The following RIN2 variants were observed in gnomAD, a reference collection of about 807,000 sequenced individuals.
The protein encoded by RIN2 is Ras and Rab interactor 2, also known as RAB5 interacting protein 2.
RIN2 carries 36 observed loss-of-function variants against 78.0 expected under a neutral mutation model. The observed-to-expected ratio is 0.46, with a 90% CI of 0.35 to 0.61. The LOEUF is 0.61. RIN2 is among the 20% of genes least tolerant of loss of function. RIN2 has a pLI of 0.00. For synonymous variants in RIN2, 466 were observed against 466.8 expected, an observed-to-expected ratio of 1.00 and a Z score of 0.02; for missense variants, 1,087 against 1,159.7, an observed-to-expected ratio of 0.94 and a Z score of 0.91.
chr20:19,939,344 G>A (rs2040771604), intron 4 of RIN2, among the ~76,000 whole-genome samples: 1 of 152,284 alleles, frequency 6.6e-6, no homozygotes, highest in Middle Eastern at 3.4e-3. Flanking sequence ...CACCGTGCTT[G>A]GCCTCTACCT....
At chr20:19,902,219 G>A (rs1042916308) in intron 3 of RIN2, among the ~76,000 whole-genome samples, 3 of 152,092 alleles carry the variant, frequency 2.0e-5, no homozygotes, top group Admixed American at 1.3e-4. Flanking sequence ...AAACTTGGGA[G>A]GAATTTCATA....
chr20:19,851,046 G>GAGA (rs1568815060), intron 2 of RIN2, among the ~76,000 whole-genome samples: 1,355 of 60,070 alleles, frequency 0.023, 23 homozygotes, highest in Non-Finnish European at 0.037. Flanking sequence ...AGGAAGGAAG[G>GAGA]AAGGAGAAAG....
chr20:19,777,672 G>A (rs889024559), intron 1 of RIN2, among the ~76,000 whole-genome samples: 2 of 152,224 alleles, frequency 1.3e-5, no homozygotes, highest in African/African-American at 4.8e-5. Context: ...GCTGAGACGA[G>A]ATCTTCCTTA....
At chr20:19,986,264 C>T (rs2146367607) in intron 9 of RIN2, among the ~76,000 whole-genome samples, 1 of 151,882 alleles carries the variant, frequency 6.6e-6, no homozygotes, top group Admixed American at 6.6e-5. Context: ...CCAGCTGGAT[C>T]GTGGGTCCCT....
chr20:19,832,326 T>C (rs2123008443), intron 2 of RIN2, among the ~76,000 whole-genome samples: 1 of 143,370 alleles, frequency 7.0e-6, no homozygotes, highest in African/African-American at 2.6e-5. Context: ...CAACCTTCCT[T>C]CCTCCCCACT....
chr20:19,788,527 A>G (rs374159259), intron 1 of RIN2, among the ~76,000 whole-genome samples: 1 of 151,366 alleles, frequency 6.6e-6, no homozygotes, highest in South Asian at 2.1e-4. Flanking sequence ...ACCTGATCCC[A>G]GTAGACAGAG....
At chr20:19,866,776 C>A (rs981782226) in intron 2 of RIN2, among the ~76,000 whole-genome samples, 1 of 152,042 alleles carries the variant, frequency 6.6e-6, no homozygotes, top group Non-Finnish European at 1.5e-5. Flanking sequence ...AGGCAGGCAC[C>A]ACCACACCAG....
chr20:19,769,455 T>C (rs1229713723), intron 1 of RIN2, among the ~76,000 whole-genome samples: 2 of 152,208 alleles, frequency 1.3e-5, no homozygotes, highest in African/African-American at 4.8e-5. Context: ...TCTGAATGCA[T>C]AGGCACCTTC....
intron 4 of RIN2, among the ~76,000 whole-genome samples, chr20:19,936,592 T>A (rs1299300761): frequency 6.6e-6 from 1 of 152,100 alleles, no homozygotes; most frequent in Non-Finnish European, 1.5e-5. Flanking sequence ...CGGAAACCTT[T>A]CCCCTGCATA....
intron 9 of RIN2, among the ~76,000 whole-genome samples, chr20:19,980,007 G>A (rs1392282935): frequency 1.5e-5 from 2 of 129,800 alleles, no homozygotes; most frequent in Non-Finnish European, 3.1e-5. Context: ...TCATGCCATT[G>A]CACTCCAGCC....
At chr20:19,781,703 A>G (rs1391638352) in intron 1 of RIN2, among the ~76,000 whole-genome samples, 2 of 152,130 alleles carry the variant, frequency 1.3e-5, no homozygotes, top group Non-Finnish European at 1.5e-5. Flanking sequence ...GGTGAGATTG[A>G]AGGCCTGAGC....
intron 2 of RIN2, among the ~76,000 whole-genome samples, chr20:19,864,695 A>G (rs897361801): frequency 2.0e-5 from 3 of 152,224 alleles, no homozygotes; most frequent in African/African-American, 7.2e-5. Context: ...CAGGATGGGT[A>G]CAAGAGATTG....
In RIN2 at chr20:19,844,698, C is replaced by CTTCTTCTTCT. The variant is rs2036720210; in HGVS notation, c.-36-44867_-36-44866insTCTTCTTCTT. Reference sequence around the variant, plus strand: ...CTTCTTCTTCTTCCTCTTCCTCTTCCTCTTCTTCTTCTTCTTCTTCTTCTT... The same window carrying CTTCTTCTTCT: ...CTTCTTCTTCTTCCTCTTCCTCTTCCTTCTTCTTCTTCTTCTTCTTCTTCTTCTTCTTCTT... On this transcript the variant is annotated intron_variant, in intron 2 of 12. Transcript: ENST00000255006. 2.9e-3 allele frequency among the ~76,000 whole-genome samples: 76 copies of CTTCTTCTTCT among 26,350 alleles called. 8 individuals are homozygous for CTTCTTCTTCT. Among genetic ancestry groups the CTTCTTCTTCT allele is most frequent in the African/African-American group, 8.2e-3 (71 of 8,680 alleles). 17.3% of individuals were successfully genotyped at this position (26,350 alleles called of 152,430 possible). A position where few individuals can be genotyped will look rare whatever the true frequency, so the allele number is the denominator to read the frequency against.
At chr20:19,889,427 A>C in intron 2 of RIN2, 139 bp from the exon 3 acceptor site, 1 of 1,126,104 alleles carries the variant, frequency 8.9e-7, no homozygotes, top group Middle Eastern at 2.1e-4. Context: ...AGGGAGATGT[A>C]AGGCCTTGGT....
chr20:19,894,709 C>G (rs1177389098), intron 3 of RIN2, among the ~76,000 whole-genome samples: 1 of 152,182 alleles, frequency 6.6e-6, no homozygotes, highest in Non-Finnish European at 1.5e-5. Context: ...AATTGGAAGG[C>G]AATCATTGGA....
At chr20:19,800,931 C>T (rs1049756750) in intron 2 of RIN2, among the ~76,000 whole-genome samples, 2 of 152,208 alleles carry the variant, frequency 1.3e-5, no homozygotes, top group Non-Finnish European at 2.9e-5. Flanking sequence ...CAACCCAGAG[C>T]TGCCTGATTT....
intron 3 of RIN2, among the ~76,000 whole-genome samples, chr20:19,903,931 G>A (rs1262414927): frequency 6.6e-6 from 1 of 152,130 alleles, no homozygotes; most frequent in Non-Finnish European, 1.5e-5. Flanking sequence ...CTCAGTACCT[G>A]GCCGGTAATT....
At chr20:19,870,555 G>A (rs1304164324) in intron 2 of RIN2, among the ~76,000 whole-genome samples, 2 of 152,176 alleles carry the variant, frequency 1.3e-5, no homozygotes, top group African/African-American at 2.4e-5. Context: ...GTTGAGGCAC[G>A]AGAATCACTT....
intron 6 of RIN2, among the ~76,000 whole-genome samples, chr20:19,963,524 G>A (rs962227711): frequency 6.0e-5 from 9 of 151,138 alleles, no homozygotes; most frequent in African/African-American, 1.7e-4. Flanking sequence ...CAGGAGAATC[G>A]CTTGAACCCG....
Sources: gnomAD v4.1 joint callset for allele counts (sites outside exome capture counted in the v4.1 genomes callset) on GRCh38, gnomAD v4.1.1 for gene constraint, MANE v1.5 for transcripts, NCBI Gene and HGNC (gene_info 2026-07-23, HGNC 2026-07-21) for gene names.